Variants in OCLN observed in about 807,000 individuals in gnomAD.
The protein encoded by OCLN is occludin.
Under a neutral mutation model 47.9 loss-of-function variants are expected in OCLN, and 21 were observed. The observed-to-expected ratio is 0.44, with a 90% CI of 0.31 to 0.63. OCLN has a LOEUF of 0.63. Ranked by LOEUF, OCLN falls within the 30% of genes least tolerant of loss-of-function variation. OCLN has a pLI of 0.08. For missense variants in OCLN, 360 were observed against 571.0 expected (o/e 0.63, Z 3.77); for synonymous variants, 117 against 198.4 (o/e 0.59, Z 3.45).
intron 3 of OCLN, among the ~76,000 whole-genome samples, chr5:69,511,969 G>A (rs1420512694): frequency 6.7e-6 from 1 of 150,368 alleles, no homozygotes; most frequent in Non-Finnish European, 1.5e-5. Context: ...GTTGCAGTGA[G>A]CTGAAATTGT....
chr5:69,524,280 C>T (rs1769219578), intron 4 of OCLN, among the ~76,000 whole-genome samples: 1 of 152,222 alleles, frequency 6.6e-6, no homozygotes, highest in Non-Finnish European at 1.5e-5. Context: ...TGCAGATCTA[C>T]CATCCCACCT....
rs540593666 is a variant in OCLN at position 69,549,993 on chromosome 5, A to G, written c.1426-1551A>G. ...CTTAACAGCAAGTTTTTTTTTTTAT[A>G]TCAATAATAAAGACCTACTTACTTT... On this transcript the variant is annotated intron_variant, in intron 7 of 8. Transcript: ENST00000396442. Among the ~76,000 whole-genome samples, 5 of 147,718 alleles carry G rather than the reference A, an allele frequency of 3.4e-5. No individual in the cohort carries two copies. In the South Asian group the frequency reaches 1.1e-3, roughly 31 times the overall value.
Position 69,509,460 on chromosome 5 carries a change from T to C in OCLN, c.370T>C (p.Tyr124His), listed in dbSNP as rs1768710451. The part of the protein sequence containing the change: ...YGSGYGYGYG[Y>H]GYGYGGYTDP... ...AAGTGGCTATGGCTATGGCTATGGT[T>C]ATGGCTATGGCTACGGAGGCTATAC... The change falls in exon 3 of 9, where the codon TAT becomes CAT. Residue 124 changes from tyrosine to histidine, a missense_variant. Around this residue, in one of 3 missense-constraint regions of OCLN, gnomAD observed 314 missense variants for 368.1 expected, o/e 0.85. Coordinates refer to ENST00000396442, the MANE Select transcript of OCLN (RefSeq NM_001205254.2). The C allele has an allele frequency of 6.2e-7, 1 of 1,614,188 alleles. No individual in the cohort carries two copies. The highest frequency in any genetic ancestry group is 1.3e-5 in the African/African-American group (1 of 75,050).
intron 3 of OCLN, among the ~76,000 whole-genome samples, chr5:69,511,176 AC>A (rs1255830628): frequency 6.7e-6 from 1 of 149,014 alleles, no homozygotes; most frequent in Non-Finnish European, 1.5e-5. Context: ...CTGGGTTCAC[AC>A]CATTCTCCTG....
chr5:69,516,474 G>T (rs1768974049), intron 4 of OCLN, among the ~76,000 whole-genome samples: 1 of 152,058 alleles, frequency 6.6e-6, no homozygotes, highest in Non-Finnish European at 1.5e-5. Context: ...CTCGGCATCA[G>T]TGGGAGACCG....
chr5:69,523,501 T>C (rs1375584439), intron 4 of OCLN, among the ~76,000 whole-genome samples: 1 of 152,004 alleles, frequency 6.6e-6, no homozygotes, highest in East Asian at 1.9e-4. Flanking sequence ...TGCCAGTAGA[T>C]TCTTAGGAAA....
rs1296571953 is a variant in OCLN at position 69,493,891 on chromosome 5, A to G, written c.-69+991A>G. 3.9e-5 allele frequency among the ~76,000 whole-genome samples: 6 copies of G among 152,236 alleles called. No individual in the cohort carries two copies. The East Asian group carries it at 1.2e-3, about 30-fold the overall frequency. ...GCCGAGCCCCTCGCGCTCCTCGGGAAGCCACCGGGCCCGAGGGAAAAGCCG... is the reference window on the plus strand; with the variant it reads ...GCCGAGCCCCTCGCGCTCCTCGGGAGGCCACCGGGCCCGAGGGAAAAGCCG... On this transcript the variant is annotated intron_variant, in intron 1 of 8. Transcript: ENST00000396442. This position sits in a 1 kb window ranked among gnomAD's most constrained non-coding sequence, Gnocchi z 5.3.
At chr5:69,550,252 C>T (rs1384957616) in intron 7 of OCLN, among the ~76,000 whole-genome samples, 10 of 109,794 alleles carry the variant, frequency 9.1e-5, no homozygotes, top group East Asian at 5.0e-4. Flanking sequence ...AGTGCAGTGG[C>T]GCTATCTTGG....
At chr5:69,506,500 T>C (rs1414670765) in intron 2 of OCLN, among the ~76,000 whole-genome samples, 4 of 152,198 alleles carry the variant, frequency 2.6e-5, no homozygotes, top group East Asian at 1.9e-4. Flanking sequence ...GACTAAATCA[T>C]TGGCCATTGG....
intron 1 of OCLN, among the ~76,000 whole-genome samples, chr5:69,497,235 G>C (rs200523951): frequency 9.8e-5 from 4 of 40,612 alleles, no homozygotes; most frequent in Non-Finnish European, 1.7e-4. Flanking sequence ...TGTGGTTTTT[G>C]GAATTTTTTT....
intron 3 of OCLN, among the ~76,000 whole-genome samples, chr5:69,510,475 A>T (rs945381072): frequency 6.6e-6 from 1 of 151,976 alleles, no homozygotes; most frequent in African/African-American, 2.4e-5. Flanking sequence ...AGGTCAGGAG[A>T]TTGTGACCAT....
chr5:69,523,815 T>G (rs1392867888), intron 4 of OCLN, among the ~76,000 whole-genome samples: 2 of 151,616 alleles, frequency 1.3e-5, no homozygotes, highest in Non-Finnish European at 2.9e-5. Context: ...GGGTTACAGG[T>G]GTAAGCCACC....
At chr5:69,547,539 C>T (rs1769742115) in intron 6 of OCLN, among the ~76,000 whole-genome samples, 5 of 128,620 alleles carry the variant, frequency 3.9e-5, no homozygotes, top group Admixed American at 3.1e-4. Flanking sequence ...CCACTGCACT[C>T]CATCCTGGGT....
chr5:69,493,467 C>T lies in OCLN; in HGVS notation c.-69+567C>T, dbSNP rs894271533. The stretch of plus-strand genomic sequence containing the variant: ...AATCTGTGAAATATTCCAGGAGTCA[C>T]GGTGTGGGCCACACTGGCTACTTCG... On this transcript the variant is annotated intron_variant, in intron 1 of 8. Transcript: ENST00000396442. This position sits in a 1 kb window ranked among gnomAD's most constrained non-coding sequence, Gnocchi z 5.3. Among the ~76,000 whole-genome samples, 3 of 152,144 alleles carry T rather than the reference C, an allele frequency of 2.0e-5. No individual in the cohort carries two copies. The highest frequency in any genetic ancestry group is 2.9e-5 in the Non-Finnish European group (2 of 68,026).
chr5:69,532,216 G>A (rs528617864), intron 4 of OCLN, among the ~76,000 whole-genome samples: 1 of 152,134 alleles, frequency 6.6e-6, no homozygotes, highest in South Asian at 2.1e-4. Context: ...GGTGAGCCCA[G>A]ATAATCTGAT....
rs1158208926 is a variant in OCLN, at chr5:69,554,720, G to A, written c.*1049G>A. The A allele has an allele frequency of 6.6e-6, 1 of 151,724 alleles. No individual in the cohort carries two copies. The highest frequency in any genetic ancestry group is 1.5e-5 in the Non-Finnish European group (1 of 67,936). 9.4% of individuals were successfully genotyped at this position (151,724 alleles called of 1,614,324 possible). On this transcript the variant is annotated 3_prime_UTR_variant, in exon 9 of 9. Transcript: ENST00000396442. ...GCTGTAAGAATGCTGATATGTCTGG[G>A]AATAGAATGCTATACCACGAAATAC...
At chr5:69,508,940 G>C (rs1768685388) in intron 2 of OCLN, among the ~76,000 whole-genome samples, 1 of 152,186 alleles carries the variant, frequency 6.6e-6, no homozygotes, top group South Asian at 2.1e-4. Context: ...CCCAAACAGA[G>C]ATAACCCAAA....
rs1415812961 is a variant in OCLN, at chr5:69,547,780, TTC to T, written c.1254-140_1254-139del. On this transcript the variant is annotated intron_variant, in intron 6 of 8. Coordinates refer to ENST00000396442, the MANE Select transcript of OCLN (RefSeq NM_001205254.2). ...TCACTCTTAATAGAACTTATTTGTA[TTC>T]TCTCTCTCTTTCCCCATAAGAAACA... 5.6e-5 allele frequency: 39 copies of T among 699,666 alleles called. 1 individual carries two copies. Among genetic ancestry groups the T allele is most frequent in the Middle Eastern group, 3.0e-4 (1 of 3,340 alleles). 43.3% of individuals were successfully genotyped at this position (699,666 alleles called of 1,614,324 possible). A position where few individuals can be genotyped will look rare whatever the true frequency, so the allele number is the denominator to read the frequency against.
At chr5:69,508,577 G>A (rs1768674989) in intron 2 of OCLN, among the ~76,000 whole-genome samples, 1 of 152,148 alleles carries the variant, frequency 6.6e-6, no homozygotes, top group Non-Finnish European at 1.5e-5. Flanking sequence ...CTGACCTCAA[G>A]TGATCCACCC....
Sources: allele counts gnomAD v4.1 joint callset (sites outside exome capture counted in the v4.1 genomes callset), GRCh38; gene constraint gnomAD v4.1.1; regional missense constraint gnomAD v4.1.1; non-coding constraint Gnocchi (gnomAD v3.1); transcripts MANE v1.5; gene names NCBI Gene and HGNC (gene_info 2026-07-23, HGNC 2026-07-21).